Variants in PTPRM observed in about 807,000 individuals in gnomAD.
PTPRM encodes protein tyrosine phosphatase receptor type M.
PTPRM carries 47 observed loss-of-function variants against 186.7 expected under a neutral mutation model. The ratio of observed to expected loss-of-function variants is 0.25; its 90% CI spans 0.20 to 0.32. PTPRM has a LOEUF of 0.32. Ranked by LOEUF, PTPRM falls within the 10% of genes least tolerant of loss-of-function variation. The pLI, the probability that PTPRM is intolerant of heterozygous loss-of-function variation, is 1.00. For missense variants in PTPRM, 1,494 were observed against 1,865.0 expected, an observed-to-expected ratio of 0.80 and a Z score of 3.66; for synonymous variants, 668 against 674.9, an observed-to-expected ratio of 0.99 and a Z score of 0.16.
At chr18:7,602,467 G>T (rs1228538127) in intron 1 of PTPRM, among the ~76,000 whole-genome samples, 1 of 150,342 alleles carries the variant, frequency 6.7e-6, no homozygotes, top group Non-Finnish European at 1.5e-5. Flanking sequence ...TTGCTCTGTA[G>T]CCCATGCTGG....
At chr18:7,608,427 T>C (rs971614557) in intron 1 of PTPRM, among the ~76,000 whole-genome samples, 14 of 152,164 alleles carry the variant, frequency 9.2e-5, no homozygotes, top group African/African-American at 3.4e-4. Flanking sequence ...TTCTGTGAGA[T>C]TACATTAAGA....
intron 2 of PTPRM, among the ~76,000 whole-genome samples, chr18:7,860,583 G>T (rs1445865428): frequency 6.6e-6 from 1 of 152,106 alleles, no homozygotes; most frequent in Non-Finnish European, 1.5e-5. Context: ...CCAAGCTCAG[G>T]AATCATCTGG....
intron 24 of PTPRM, among the ~76,000 whole-genome samples, chr18:8,374,544 A>T (rs189854421): frequency 3.3e-5 from 5 of 152,206 alleles, no homozygotes; most frequent in Non-Finnish European, 7.4e-5. Flanking sequence ...TCTAAGGGAG[A>T]CCATGGCACT....
chr18:8,216,107 T>C (rs1321856435), intron 14 of PTPRM, among the ~76,000 whole-genome samples: 2 of 152,228 alleles, frequency 1.3e-5, no homozygotes, highest in Non-Finnish European at 2.9e-5. Flanking sequence ...AAAACCCGTA[T>C]TTCTTTAATT....
chr18:8,021,654 T>C (rs916679710), intron 7 of PTPRM, among the ~76,000 whole-genome samples: 20 of 152,164 alleles, frequency 1.3e-4, no homozygotes, highest in African/African-American at 4.8e-4. Context: ...TTTGCTGAGG[T>C]TGCTGGCTTC....
chr18:7,703,301 A>G (rs74829169), intron 1 of PTPRM, among the ~76,000 whole-genome samples: 5,246 of 152,210 alleles, frequency 0.034, 319 homozygotes, highest in African/African-American at 0.12. Context: ...CCCATCCATG[A>G]TGAGCATGGA....
At chr18:7,738,237 G>T (rs867919700) in intron 1 of PTPRM, among the ~76,000 whole-genome samples, 25 of 152,296 alleles carry the variant, frequency 1.6e-4, no homozygotes, top group Admixed American at 1.2e-3. Context: ...CGAGAAGTAA[G>T]TTTGTTTATT....
chr18:8,114,455 A>C (rs189051460), intron 12 of PTPRM, among the ~76,000 whole-genome samples: 1 of 152,136 alleles, frequency 6.6e-6, no homozygotes, highest in South Asian at 2.1e-4. Context: ...TCTGAGATGC[A>C]TCATGCTTCT....
At chr18:7,947,337 C>T (rs1249998955) in intron 5 of PTPRM, among the ~76,000 whole-genome samples, 1 of 152,098 alleles carries the variant, frequency 6.6e-6, no homozygotes, top group Non-Finnish European at 1.5e-5. Flanking sequence ...TGAAGGTTAA[C>T]CACTCTGGAT....
At chr18:7,809,261 C>T (rs1027425738) in intron 2 of PTPRM, among the ~76,000 whole-genome samples, 10 of 152,256 alleles carry the variant, frequency 6.6e-5, no homozygotes, top group African/African-American at 2.4e-4. Flanking sequence ...GGCCGAATTG[C>T]TCTGCTTCTC....
chr18:7,662,098 AT>A (rs549167676), intron 1 of PTPRM, among the ~76,000 whole-genome samples: 3 of 144,378 alleles, frequency 2.1e-5, no homozygotes, highest in Non-Finnish European at 4.5e-5. Context: ...GCCTGGCTAA[AT>A]TTTTTTTTGT....
intron 5 of PTPRM, among the ~76,000 whole-genome samples, chr18:7,938,246 AT>A (rs1172090033): frequency 1.3e-5 from 2 of 152,190 alleles, no homozygotes; most frequent in African/African-American, 4.8e-5. Flanking sequence ...AACTGTAGGG[AT>A]TTTAACCTCC....
intron 13 of PTPRM, among the ~76,000 whole-genome samples, chr18:8,137,423 T>C (rs1243692089): frequency 6.6e-6 from 1 of 152,172 alleles, no homozygotes; most frequent in Non-Finnish European, 1.5e-5. Flanking sequence ...GAGTCTCTTG[T>C]GTCCTGCTCG....
chr18:7,993,236 A>G lies in PTPRM; in HGVS notation c.1132+37822A>G, dbSNP rs1267250686. Among the ~76,000 whole-genome samples the G allele has an allele frequency of 3.9e-5, 6 of 152,102 alleles. No individual in the cohort carries two copies. In the South Asian group the frequency reaches 1.2e-3, roughly 31 times the overall value. On this transcript the variant is annotated intron_variant, in intron 7 of 32. Transcript: ENST00000580170. ...AAGCCTAAATGGCATATTGGTCACC[A>G]TCAAGTGAACAAGCATTCAACTATT...
intron 20 of PTPRM, among the ~76,000 whole-genome samples, chr18:8,301,840 G>A (rs2095161097): frequency 6.6e-6 from 1 of 152,256 alleles, no homozygotes; most frequent in Admixed American, 6.5e-5. Context: ...ATTGGTCAGG[G>A]TGGGTGATGT....
intron 5 of PTPRM, among the ~76,000 whole-genome samples, chr18:7,934,402 T>TA (rs1462909895): frequency 6.6e-6 from 1 of 152,228 alleles, no homozygotes; most frequent in Non-Finnish European, 1.5e-5. Flanking sequence ...TTCTCCAGTC[T>TA]AATAAATTGC....
intron 2 of PTPRM, among the ~76,000 whole-genome samples, chr18:7,822,461 T>C (rs1322256493): frequency 6.6e-6 from 1 of 152,252 alleles, no homozygotes; most frequent in African/African-American, 2.4e-5. Flanking sequence ...TATGAACTTA[T>C]GGACTGATAT....
intron 2 of PTPRM, among the ~76,000 whole-genome samples, chr18:7,808,960 C>T (rs1283161429): frequency 6.6e-6 from 1 of 152,112 alleles, no homozygotes; most frequent in Admixed American, 6.5e-5. Flanking sequence ...CAGATTTTAA[C>T]AACAACAGTA....
At chr18:8,316,705 G>A (rs1339466473) in intron 21 of PTPRM, among the ~76,000 whole-genome samples, 2 of 152,132 alleles carry the variant, frequency 1.3e-5, no homozygotes, top group Non-Finnish European at 2.9e-5. Flanking sequence ...AGTTAATTCT[G>A]TATGGTCAAT....
Sources: gnomAD v4.1 joint callset for allele counts (sites outside exome capture counted in the v4.1 genomes callset) on GRCh38, gnomAD v4.1.1 for gene constraint, MANE v1.5 for transcripts, NCBI Gene and HGNC (gene_info 2026-07-23, HGNC 2026-07-21) for gene names.